NDUFS4: variants seen among roughly 807,000 people sequenced by gnomAD.
NDUFS4 encodes NADH dehydrogenase [ubiquinone] iron-sulfur protein 4, mitochondrial.
Under a neutral mutation model 24.3 loss-of-function variants are expected in NDUFS4, and 28 were observed. The observed-to-expected ratio is 1.15, with a 90% CI of 0.85 to 1.58. NDUFS4 has a LOEUF of 1.58. Among genes scored for constraint, NDUFS4 ranks in the 40% most tolerant of loss-of-function variants. The pLI, the probability that NDUFS4 is intolerant of heterozygous loss-of-function variation, is 0.00. For missense variants in NDUFS4, 223 were observed against 207.9 expected (o/e 1.07, Z -0.45); for synonymous variants, 93 against 69.7 (o/e 1.34, Z -1.67).
intron 2 of NDUFS4, among the ~76,000 whole-genome samples, chr5:53,630,265 G>A (rs1751370438): frequency 6.6e-6 from 1 of 152,076 alleles, no homozygotes. Context: ...AGTCTGATGG[G>A]CTTCCCTTTG....
chr5:53,625,939 A>T (rs1004541158), intron 2 of NDUFS4, among the ~76,000 whole-genome samples: 1 of 152,188 alleles, frequency 6.6e-6, no homozygotes, highest in East Asian at 1.9e-4. Flanking sequence ...CACAACGTGC[A>T]GGTCTGTTAC....
chr5:53,630,012 G>C (rs1751359258), intron 2 of NDUFS4, among the ~76,000 whole-genome samples: 1 of 152,162 alleles, frequency 6.6e-6, no homozygotes. Context: ...GCAGTGTCTG[G>C]TACCAGTTGT....
intron 2 of NDUFS4, among the ~76,000 whole-genome samples, chr5:53,611,289 G>A (rs1400081870): frequency 1.3e-5 from 2 of 150,790 alleles, no homozygotes; most frequent in Admixed American, 6.6e-5. Flanking sequence ...GAAAGGAAAA[G>A]TCTGCTTAGC....
At chr5:53,624,196 T>C (rs1030047715) in intron 2 of NDUFS4, among the ~76,000 whole-genome samples, 3 of 152,242 alleles carry the variant, frequency 2.0e-5, no homozygotes, top group African/African-American at 7.2e-5. Flanking sequence ...TTCTAGGCTA[T>C]TTTATTTCAT....
chr5:53,666,950 A>G (rs1752532142), intron 4 of NDUFS4, among the ~76,000 whole-genome samples: 1 of 152,014 alleles, frequency 6.6e-6, no homozygotes, highest in Non-Finnish European at 1.5e-5. Flanking sequence ...TAATAAATAA[A>G]TAAATAGAAA....
chr5:53,603,308 T>C lies in NDUFS4; in HGVS notation c.99-144T>C, dbSNP rs961560008. The C allele has an allele frequency of 4.5e-6, 3 of 664,716 alleles. No individual in the cohort carries two copies. The African/African-American group carries it at 5.5e-5, about 12-fold the overall frequency. The allele number at this position is 664,716 out of a possible 1,614,324, so 41.2% of individuals were successfully genotyped here. A position where few individuals can be genotyped will look rare whatever the true frequency, so the allele number is the denominator to read the frequency against. On this transcript the variant is annotated intron_variant, in intron 1 of 4. Coordinates refer to ENST00000296684, the MANE Select transcript of NDUFS4 (RefSeq NM_002495.4). ...AACTAATTGCAGAGAAAAAGGACTT[T>C]TGTGCCCTCTTCTCTTTCTTTCCTT...
At chr5:53,668,140 T>C (rs1464953359) in intron 4 of NDUFS4, among the ~76,000 whole-genome samples, 1 of 152,238 alleles carries the variant, frequency 6.6e-6, no homozygotes, top group African/African-American at 2.4e-5. Context: ...GTATCACTTA[T>C]CAAATTGTAT....
chr5:53,616,148 T>G (rs1321354114), intron 2 of NDUFS4, among the ~76,000 whole-genome samples: 1 of 152,100 alleles, frequency 6.6e-6, no homozygotes, highest in African/African-American at 2.4e-5. Flanking sequence ...TGAAGATCAT[T>G]CAAGATATTT....
chr5:53,572,791 T>A (rs1749254099), intron 1 of NDUFS4, among the ~76,000 whole-genome samples: 1 of 151,604 alleles, frequency 6.6e-6, no homozygotes, highest in Admixed American at 6.6e-5. Context: ...ATTACAGGCA[T>A]GTGCCACCAT....
intron 2 of NDUFS4, among the ~76,000 whole-genome samples, chr5:53,639,772 A>G (rs1382789045): frequency 6.6e-6 from 1 of 152,190 alleles, no homozygotes; most frequent in Non-Finnish European, 1.5e-5. Flanking sequence ...AACTTTGTTT[A>G]AACTTGTTTC....
At chr5:53,635,187 TTAAA>T (rs59403372) in intron 2 of NDUFS4, among the ~76,000 whole-genome samples, 185 of 149,544 alleles carry the variant, frequency 1.2e-3, no homozygotes, top group Admixed American at 2.0e-3. Flanking sequence ...AAAAACTCTG[TTAAA>T]TAAATAAATA....
intron 4 of NDUFS4, among the ~76,000 whole-genome samples, chr5:53,660,335 T>C (rs1212026488): frequency 1.3e-5 from 2 of 152,158 alleles, no homozygotes; most frequent in Non-Finnish European, 2.9e-5. Flanking sequence ...GAACTCATCC[T>C]TTTTTATGGC....
intron 2 of NDUFS4, among the ~76,000 whole-genome samples, chr5:53,627,401 T>G (rs1751263734): frequency 6.6e-6 from 1 of 152,200 alleles, no homozygotes; most frequent in African/African-American, 2.4e-5. Flanking sequence ...AAAGTAGTTT[T>G]TTCGAATTCT....
chr5:53,658,863 A>G (rs1255349172), intron 4 of NDUFS4: 2 of 442,838 alleles, frequency 4.5e-6, no homozygotes, highest in Non-Finnish European at 8.1e-6. Context: ...TTGAAGTACC[A>G]ACAGGGAATG....
At chr5:53,604,834 T>A (rs1377989405) in intron 2 of NDUFS4, 1 of 456,292 alleles carries the variant, frequency 2.2e-6, no homozygotes, top group South Asian at 1.5e-5. Flanking sequence ...TCACTCTACC[T>A]GGATGCATTT....
chr5:53,581,850 A>G (rs915961990), intron 1 of NDUFS4, among the ~76,000 whole-genome samples: 1 of 152,224 alleles, frequency 6.6e-6, no homozygotes, highest in African/African-American at 2.4e-5. Context: ...ATATAAAACA[A>G]GAGTTAAAAA....
chr5:53,675,527 C>T (rs1220906715), intron 4 of NDUFS4, among the ~76,000 whole-genome samples: 2 of 151,434 alleles, frequency 1.3e-5, no homozygotes, highest in Non-Finnish European at 2.9e-5. Flanking sequence ...GCCTTATCTA[C>T]ACGCACAATA....
intron 1 of NDUFS4, among the ~76,000 whole-genome samples, chr5:53,586,550 TCTCA>T (rs1239184147): frequency 6.6e-6 from 1 of 152,074 alleles, no homozygotes; most frequent in Non-Finnish European, 1.5e-5. Flanking sequence ...TGAGACGGAG[TCTCA>T]CTCTGTCGCC....
Position 53,560,648 on chromosome 5 carries a change from T to G in NDUFS4, c.-15T>G, listed in dbSNP as rs965495356. On this transcript the variant is annotated 5_prime_UTR_variant, in exon 1 of 5. Transcript: ENST00000296684. ...GGTGATCCGTCCTTTCATCCTGGCG[T>G]TTGCCTGCAGCAAGATGGCGGCGGT... 1.1e-5 allele frequency: 17 copies of G among 1,614,114 alleles called. No homozygotes were observed. The highest frequency in any genetic ancestry group is 1.4e-5 in the Non-Finnish European group (16 of 1,180,042).
Sources: gnomAD v4.1 joint callset for allele counts (sites outside exome capture counted in the v4.1 genomes callset) on GRCh38, gnomAD v4.1.1 for gene constraint, MANE v1.5 for transcripts, NCBI Gene and HGNC (gene_info 2026-07-23, HGNC 2026-07-21) for gene names.